ZFP1: variants seen among roughly 807,000 people sequenced by gnomAD.
The protein encoded by ZFP1 is ZFP1 zinc finger protein, also known as zinc finger protein 1 homolog.
A neutral mutation model predicts 38.5 loss-of-function variants in ZFP1; 32 were observed. The observed-to-expected ratio is 0.83, with a 90% CI of 0.63 to 1.12. The LOEUF (loss-of-function observed/expected upper bound fraction) is 1.12, where lower values mean the gene tolerates loss of function less well. Among genes scored for constraint, ZFP1 ranks in the 50% most tolerant of loss-of-function variants. The pLI, the probability that ZFP1 is intolerant of heterozygous loss-of-function variation, is 0.00. For synonymous variants in ZFP1, 245 were observed against 168.8 expected, an observed-to-expected ratio of 1.45 and a Z score of -3.50; for missense variants, 616 against 480.8, an observed-to-expected ratio of 1.28 and a Z score of -2.63.
intron 2 of ZFP1, chr16:75,157,297 T>G (rs1429518153): frequency 7.9e-6 from 1 of 126,022 alleles, no homozygotes; most frequent in Non-Finnish European, 1.6e-5. Context: ...CAGGCTGGGG[T>G]GCAGTGGTGT....
rs563300512 is a variant in ZFP1 at position 75,156,475 on chromosome 16, A to T, written c.15+3509A>T. Among the ~76,000 whole-genome samples, 22 of 152,044 alleles carry T rather than the reference A, an allele frequency of 1.4e-4. No individual in the cohort carries two copies. In the East Asian group the frequency reaches 3.5e-3, roughly 24 times the overall value. On this transcript the variant is annotated intron_variant, in intron 2 of 3. Transcript: ENST00000570010. ...CTGTCTCAGAAAAAGAAAAGAAAAG[A>T]AAAGAAATTTTGCTACTGTTGGACA... is the stretch of plus-strand genomic sequence containing the variant.
At chr16:75,120,720 G>A in the ZFP1 span, among the ~76,000 whole-genome samples, 1 of 152,044 alleles carries the variant, frequency 6.6e-6, no homozygotes, top group African/African-American at 2.4e-5. Context: ...TCCTGCCTCA[G>A]CCTCCCAAGT....
intron 1 of ZFP1, among the ~76,000 whole-genome samples, chr16:75,150,406 A>C (rs977159723): frequency 1.3e-5 from 2 of 151,156 alleles, no homozygotes; most frequent in Non-Finnish European, 2.9e-5. Flanking sequence ...TTTTTAGTAG[A>C]GACGGGGTTT....
the ZFP1 span, among the ~76,000 whole-genome samples, chr16:75,123,317 G>T: frequency 1.3e-5 from 2 of 150,400 alleles, no homozygotes; most frequent in Admixed American, 1.3e-4. Context: ...TCATGCCACT[G>T]CACTCCAGCC....
At chr16:75,134,095 C>G in the ZFP1 span, among the ~76,000 whole-genome samples, 1 of 152,072 alleles carries the variant, frequency 6.6e-6, no homozygotes, top group Admixed American at 6.6e-5. Context: ...AAAATTCCAC[C>G]TGGATTGGGG....
the ZFP1 span, among the ~76,000 whole-genome samples, chr16:75,121,902 G>A: frequency 6.6e-6 from 1 of 152,106 alleles, no homozygotes; most frequent in Non-Finnish European, 1.5e-5. Flanking sequence ...ATACATTTTT[G>A]TTTGCATATT....
At chr16:75,119,460 A>G in the ZFP1 span, 1 of 151,696 alleles carries the variant, frequency 6.6e-6, no homozygotes, top group Non-Finnish European at 1.5e-5. Context: ...TCCTGCTTCC[A>G]TGTTGATGGA....
At chr16:75,155,513 T>C (rs943682105) in intron 2 of ZFP1, among the ~76,000 whole-genome samples, 1 of 152,090 alleles carries the variant, frequency 6.6e-6, no homozygotes, top group Non-Finnish European at 1.5e-5. Flanking sequence ...TTGCTCATTC[T>C]TTTTTTTCCT....
At chr16:75,145,450 C>T (rs1228313020), upstream of ZFP1, among the ~76,000 whole-genome samples, 1 of 152,102 alleles carries the variant, frequency 6.6e-6, no homozygotes, top group Admixed American at 6.5e-5. Context: ...GACCCATGGC[C>T]CTAAATGAGA....
At chr16:75,136,336 G>T in the ZFP1 span, among the ~76,000 whole-genome samples, 12 of 152,316 alleles carry the variant, frequency 7.9e-5, no homozygotes, top group East Asian at 2.3e-3. Flanking sequence ...TCAAGTCAAT[G>T]AAGTTGTTTT....
the ZFP1 span, among the ~76,000 whole-genome samples, chr16:75,140,099 T>C: frequency 6.6e-6 from 1 of 151,948 alleles, no homozygotes; most frequent in Non-Finnish European, 1.5e-5. Context: ...AGAAACCCCG[T>C]CTCTACTAAA....
In ZFP1 at chr16:75,169,775, C is replaced by G. The variant is rs780775952; in HGVS notation, c.665C>G (p.Ser222Cys). The change falls in exon 4 of 4, where the codon TCC becomes TGC. Residue 222 changes from serine to cysteine, a missense_variant. Coordinates refer to ENST00000570010, the MANE Select transcript of ZFP1 (RefSeq NM_153688.4). ...YECNVCKKTF[S>C]HKANLIKHQR... ...TGCAATGTATGTAAGAAAACCTTCT[C>G]CCATAAGGCCAACCTCATCAAACAT... is the stretch of plus-strand genomic sequence containing the variant. 12 of 1,613,750 alleles carry G rather than the reference C, an allele frequency of 7.4e-6. No homozygotes were observed. Among genetic ancestry groups the G allele is most frequent in the Non-Finnish European group, 1.0e-5 (12 of 1,179,864 alleles).
chr16:75,126,175 G>C, the ZFP1 span: 5 of 151,898 alleles, frequency 3.3e-5, no homozygotes, highest in African/African-American at 1.2e-4. Context: ...TTGTGAGACA[G>C]AGTCTTGCTG....
the ZFP1 span, chr16:75,126,388 T>A: frequency 6.6e-6 from 1 of 152,052 alleles, no homozygotes; most frequent in South Asian, 2.1e-4. Context: ...GACCTCATGA[T>A]CTGCCCACCT....
intron 3 of ZFP1, among the ~76,000 whole-genome samples, chr16:75,167,395 CCTTT>C (rs1214701026): frequency 1.7e-5 from 2 of 117,636 alleles, no homozygotes; most frequent in East Asian, 2.0e-4. Context: ...TCCCTGCTTA[CCTTT>C]TTTTTTTTCC....
At chr16:75,167,761 C>G (rs1597085107) in intron 3 of ZFP1, among the ~76,000 whole-genome samples, 1 of 152,244 alleles carries the variant, frequency 6.6e-6, no homozygotes, top group South Asian at 2.1e-4. Flanking sequence ...CCATGTCCTG[C>G]TAATTATTTT....
chr16:75,149,861 A>G (rs1299297580), intron 1 of ZFP1, among the ~76,000 whole-genome samples: 2 of 152,054 alleles, frequency 1.3e-5, no homozygotes, highest in South Asian at 2.1e-4. Flanking sequence ...GCTGGAGTGC[A>G]GTGGCACTCA....
At chr16:75,167,684 C>T (rs2038171779) in intron 3 of ZFP1, among the ~76,000 whole-genome samples, 1 of 152,136 alleles carries the variant, frequency 6.6e-6, no homozygotes, top group African/African-American at 2.4e-5. Flanking sequence ...ACTGTAGCGT[C>T]CACCTCCTGA....
the ZFP1 span, among the ~76,000 whole-genome samples, chr16:75,141,195 CTTTTTTTTT>C: frequency 1.5e-5 from 1 of 67,900 alleles, no homozygotes; most frequent in East Asian, 5.4e-4. Context: ...TTGGGTCATT[CTTTTTTTTT>C]TTTTTTTTTT....
Sources: allele counts gnomAD v4.1 joint callset (sites outside exome capture counted in the v4.1 genomes callset), GRCh38; gene constraint gnomAD v4.1.1; transcripts MANE v1.5; gene names NCBI Gene and HGNC (gene_info 2026-07-23, HGNC 2026-07-21).